The following ATG4C variants were observed in gnomAD, a reference collection of about 807,000 sequenced individuals.
ATG4C encodes cysteine protease ATG4C.
Under a neutral mutation model 57.6 loss-of-function variants are expected in ATG4C, and 56 were observed. The observed-to-expected ratio is 0.97, with a 90% confidence interval of 0.78 to 1.21. The LOEUF is 1.21. Ranked by LOEUF, ATG4C falls within the 50% of genes most tolerant of loss-of-function variation. ATG4C has a pLI of 0.00. For missense variants in ATG4C, 595 were observed against 529.8 expected (o/e 1.12, Z -1.21); for synonymous variants, 157 against 174.1 (o/e 0.90, Z 0.78).
chr1:62,850,074 A>G (rs1209262583), intron 10 of ATG4C, among the ~76,000 whole-genome samples: 2 of 152,188 alleles, frequency 1.3e-5, no homozygotes, highest in African/African-American at 2.4e-5. Context: ...CAAAGAAATT[A>G]TGGTACTGAA....
rs1572090934 is a variant in ATG4C, at chr1:62,792,302, C to T, written c.-69+8029C>T. ...GAGCCACCACGCCCGGCCTTATCTA[C>T]TCATTTCTAATCCTTTCACCAGTAC... On this transcript the variant is annotated intron_variant, in intron 1 of 10. Coordinates refer to ENST00000317868, the MANE Select transcript of ATG4C (RefSeq NM_032852.4). Among the ~76,000 whole-genome samples the T allele has an allele frequency of 2.0e-5, 3 of 152,082 alleles. No individual in the cohort carries two copies. In the East Asian group the frequency reaches 5.8e-4, roughly 29 times the overall value.
chr1:62,791,858 A>G (rs1427413773), intron 1 of ATG4C, among the ~76,000 whole-genome samples: 1 of 151,150 alleles, frequency 6.6e-6, no homozygotes, highest in African/African-American at 2.5e-5. Flanking sequence ...TGTTTCAGCT[A>G]ATGGAACCAT....
intron 5 of ATG4C, 139 bp downstream of exon 5, chr1:62,819,474 C>T (rs942910631): frequency 2.5e-5 from 16 of 637,578 alleles, no homozygotes; most frequent in Non-Finnish European, 3.8e-5. Context: ...CTTTCATTTG[C>T]CAGCAGGGAA....
At chr1:62,838,755 G>A (rs1331534993) in intron 9 of ATG4C, among the ~76,000 whole-genome samples, 4 of 151,774 alleles carry the variant, frequency 2.6e-5, no homozygotes, top group African/African-American at 9.7e-5. Context: ...ACTCCAGCCT[G>A]GGCGACAAGA....
intron 6 of ATG4C, among the ~76,000 whole-genome samples, chr1:62,824,591 T>C (rs1665585691): frequency 6.6e-6 from 1 of 152,144 alleles, no homozygotes; most frequent in African/African-American, 2.4e-5. Flanking sequence ...GATCCTCCTA[T>C]TTTCTCTTGA....
At chr1:62,809,958 T>C (rs903522777) in intron 3 of ATG4C, among the ~76,000 whole-genome samples, 3 of 152,088 alleles carry the variant, frequency 2.0e-5, no homozygotes, top group Non-Finnish European at 4.4e-5. Context: ...TGAAACACTG[T>C]TGGTGGGAGG....
chr1:62,860,927 G>T (rs1303197781), intron 10 of ATG4C, among the ~76,000 whole-genome samples: 1 of 152,154 alleles, frequency 6.6e-6, no homozygotes, highest in Non-Finnish European at 1.5e-5. Flanking sequence ...CTTTATTATG[G>T]TATACATTGC....
chr1:62,795,747 T>G (rs956507878), intron 1 of ATG4C, among the ~76,000 whole-genome samples: 4 of 151,994 alleles, frequency 2.6e-5, no homozygotes, highest in African/African-American at 9.7e-5. Flanking sequence ...GAGGATTGCT[T>G]GAATGCAGGA....
In ATG4C at chr1:62,803,806, A is replaced by ATGAAGTTGACAAGCTAAAAAC. The variant is rs760145995; in HGVS notation, c.21_41dup (p.Glu8_Thr14dup). 16 of 1,607,204 alleles carry ATGAAGTTGACAAGCTAAAAAC rather than the reference A, an allele frequency of 1.0e-5. No individual in the cohort carries two copies. The highest frequency in any genetic ancestry group is 2.7e-5 in the African/African-American group (2 of 74,500). Reference sequence around the variant, plus strand: ...TTGAATATGGAGGCTACAGGAACAGATGAAGTTGACAAGCTAAAAACCAAA... The same window carrying ATGAAGTTGACAAGCTAAAAAC: ...TTGAATATGGAGGCTACAGGAACAGATGAAGTTGACAAGCTAAAAACTGAAGTTGACAAGCTAAAAACCAAA... On this transcript the variant is annotated inframe_insertion, in exon 2 of 11. Coordinates refer to ENST00000317868, the MANE Select transcript of ATG4C (RefSeq NM_032852.4).
At chr1:62,823,016 A>G (rs760445380) in intron 6 of ATG4C, among the ~76,000 whole-genome samples, 23 of 152,070 alleles carry the variant, frequency 1.5e-4, no homozygotes, top group Non-Finnish European at 3.2e-4. Flanking sequence ...TTAGTTGAGC[A>G]TGGTGGTGAC....
At position 62,821,187 on chromosome 1, in the gene ATG4C, T is replaced by A. The variant is rs140019854; in HGVS notation, c.774T>A (p.Ile258=). The A allele has an allele frequency of 6.3e-7, 1 of 1,599,536 alleles. No homozygotes were observed. Among genetic ancestry groups the A allele is most frequent in the African/African-American group, 1.3e-5 (1 of 74,392 alleles). The change falls in exon 6 of 11, where the codon ATT becomes ATA. Residue 258 remains isoleucine (I), a synonymous_variant. Coordinates refer to ENST00000317868, the MANE Select transcript of ATG4C (RefSeq NM_032852.4). ...ARHPDLQGIT[I]YVAQDCTVYN... Reference sequence around the variant, plus strand: ...ATCCTGATTTACAAGGAATAACTATTTATGTTGCACAAGATTGTACAGGTA... The same window carrying A: ...ATCCTGATTTACAAGGAATAACTATATATGTTGCACAAGATTGTACAGGTA...
Position 62,821,145 on chromosome 1 carries a change from A to G in ATG4C, c.732A>G (p.Ala244=). The G allele has an allele frequency of 6.3e-7, 1 of 1,598,736 alleles. No individual in the cohort carries two copies. The highest frequency in any genetic ancestry group is 8.5e-7 in the Non-Finnish European group (1 of 1,173,942). The change falls in exon 6 of 11, where the codon GCA becomes GCG. Residue 244 remains alanine, a synonymous_variant. Transcript: ENST00000317868. ...PAVVAHILRK[A]VEEARHPDLQ... ...ATGCTTGTTATTTTCTCAGAAAAGC[A>G]GTTGAAGAAGCAAGGCATCCTGATT... is the stretch of plus-strand genomic sequence containing the variant.
intron 1 of ATG4C, among the ~76,000 whole-genome samples, 171 bp downstream of exon 1, chr1:62,784,444 AT>A (rs1400634557): frequency 1.3e-5 from 2 of 151,868 alleles, no homozygotes; most frequent in Non-Finnish European, 2.9e-5. Flanking sequence ...TTCTAGTGTC[AT>A]TTGTCTTCTA....
chr1:62,817,639 G>C (rs1461669009), intron 4 of ATG4C, among the ~76,000 whole-genome samples: 1 of 152,166 alleles, frequency 6.6e-6, no homozygotes, highest in African/African-American at 2.4e-5. Flanking sequence ...GAGCCACTGT[G>C]CCTGGCACTA....
intron 4 of ATG4C, among the ~76,000 whole-genome samples, chr1:62,818,609 G>A (rs1228743524): frequency 2.0e-5 from 3 of 151,990 alleles, no homozygotes; most frequent in Non-Finnish European, 4.4e-5. Context: ...TACCATTAAG[G>A]TAGAAACATC....
intron 9 of ATG4C, among the ~76,000 whole-genome samples, chr1:62,840,364 T>C (rs1666130941): frequency 6.6e-6 from 1 of 152,188 alleles, no homozygotes; most frequent in Non-Finnish European, 1.5e-5. Context: ...ATTCAAAAAT[T>C]TCCCACACTT....
intron 1 of ATG4C, among the ~76,000 whole-genome samples, chr1:62,790,441 C>A (rs956781298): frequency 1.3e-5 from 2 of 152,158 alleles, no homozygotes; most frequent in African/African-American, 4.8e-5. Flanking sequence ...CTTCCAGCAA[C>A]AGATTTACCA....
At chr1:62,793,670 A>G (rs1254006466) in intron 1 of ATG4C, among the ~76,000 whole-genome samples, 1 of 151,868 alleles carries the variant, frequency 6.6e-6, no homozygotes, top group African/African-American at 2.4e-5. Flanking sequence ...CCAAAAAACA[A>G]AAAAAGTATT....
chr1:62,816,596 C>T lies in ATG4C; in HGVS notation c.182C>T (p.Ala61Val). ...KYEDEDKTLP[A>V]ESGCTIEDHV... ...TTAGATGAAGATAAAACGTTACCTG[C>T]AGAGTCGGGATGTACAATAGAGGAT... Residue 61 changes from alanine (A) to valine (V), a missense_variant, in exon 4 of 11, where the codon GCA becomes GTA. Physicochemically the swap from Ala to Val is moderately conservative, Grantham distance 64 (BLOSUM62 0). Transcript: ENST00000317868. 2 of 1,609,914 alleles carry T rather than the reference C, an allele frequency of 1.2e-6. No individual in the cohort carries two copies. The highest frequency in any genetic ancestry group is 1.7e-6 in the Non-Finnish European group (2 of 1,178,018).
Sources: gnomAD v4.1 joint callset for allele counts (sites outside exome capture counted in the v4.1 genomes callset) on GRCh38, gnomAD v4.1.1 for gene constraint, MANE v1.5 for transcripts, NCBI Gene and HGNC (gene_info 2026-07-23, HGNC 2026-07-21) for gene names.